NLRC5: variants seen among roughly 807,000 people sequenced by gnomAD.
The protein encoded by NLRC5 is NLR family CARD domain containing 5.
NLRC5 carries 114 observed loss-of-function variants against 206.9 expected under a neutral mutation model. The observed-to-expected ratio is 0.55, with a 90% confidence interval of 0.47 to 0.64. NLRC5 has a LOEUF of 0.64. NLRC5 is among the 30% of genes least tolerant of loss of function. The pLI is 0.00. For missense variants in NLRC5, 2,008 were observed against 2,305.5 expected (o/e 0.87, Z 2.64); for synonymous variants, 952 against 962.8 (o/e 0.99, Z 0.21).
At chr16:57,025,254 A>G in intron 5 of NLRC5, 114 bp from the exon 6 acceptor site, 1 of 1,463,870 alleles carries the variant, frequency 6.8e-7, no homozygotes, top group Non-Finnish European at 9.0e-7. Context: ...CCCTCACCCC[A>G]TCATACATAC....
At chr16:57,000,801 G>C (rs376189011) in intron 1 of NLRC5, among the ~76,000 whole-genome samples, 1 of 152,268 alleles carries the variant, frequency 6.6e-6, no homozygotes, top group African/African-American at 2.4e-5. Flanking sequence ...ATTTGTGGGC[G>C]GGGGAGGAAA....
rs1174974373 is a variant in NLRC5, at chr16:57,020,999, A to G, written c.287A>G (p.Tyr96Cys). 6 of 1,613,378 alleles carry G rather than the reference A, an allele frequency of 3.7e-6. No homozygotes were observed. The highest frequency in any genetic ancestry group is 5.1e-6 in the Non-Finnish European group (6 of 1,179,396). ...LEVLLLSTFG[Y>C]DDGFTSQLGA... The stretch of plus-strand genomic sequence containing the variant: ...GTGCTGCTGCTGAGTACTTTTGGCT[A>G]TGATGATGGTAAGGGCAGGTGTGAG... Residue 96 changes from tyrosine to cysteine, a missense_variant, in exon 3 of 49, where the codon TAT becomes TGT. Coordinates refer to ENST00000688547, the MANE Select transcript of NLRC5 (RefSeq NM_001384950.1).
At chr16:57,011,900 G>T (rs1236717578) in intron 1 of NLRC5, among the ~76,000 whole-genome samples, 1 of 152,104 alleles carries the variant, frequency 6.6e-6, no homozygotes, top group South Asian at 2.1e-4. Flanking sequence ...CTTCATTGAG[G>T]TGTAATTTAC....
At chr16:57,006,213 C>G (rs1388784528) in intron 1 of NLRC5, among the ~76,000 whole-genome samples, 1 of 151,664 alleles carries the variant, frequency 6.6e-6, no homozygotes, top group Non-Finnish European at 1.5e-5. Flanking sequence ...TACCCAGGCT[C>G]GTCTCAAACT....
intron 30 of NLRC5, among the ~76,000 whole-genome samples, chr16:57,060,437 GCAGCACACACAACACACGCACACCACA>G (rs1212128245): frequency 1.3e-5 from 2 of 149,900 alleles, no homozygotes; most frequent in Admixed American, 6.7e-5. Context: ...CACACAGCAC[GCAGCACACACAACACACGCACACCACA>G]CAGCACACAC....
chr16:57,025,390 G>C lies in NLRC5; in HGVS notation c.447G>C (p.Gln149His). ...CAGAGTTGGCCAAGAAGTACCTGCA[G>C]CTCCTGCGGACCTCTGCCCAGCAGC... ...QQLELAKKYL[Q>H]LLRTSAQQRY... The change falls in exon 6 of 49, where the codon CAG becomes CAC. Residue 149 changes from glutamine (Q) to histidine (H), a missense_variant. Coordinates refer to ENST00000688547, the MANE Select transcript of NLRC5 (RefSeq NM_001384950.1). 2 of 1,543,230 alleles carry C rather than the reference G, an allele frequency of 1.3e-6. No individual in the cohort carries two copies. Among genetic ancestry groups the C allele is most frequent in the Middle Eastern group, 1.8e-4 (1 of 5,688 alleles).
intron 24 of NLRC5, among the ~76,000 whole-genome samples, chr16:57,052,110 G>C (rs1257408846): frequency 6.6e-6 from 1 of 152,196 alleles, no homozygotes; most frequent in Non-Finnish European, 1.5e-5. Flanking sequence ...CGCAAAAAGG[G>C]AATTTAAGCA....
At chr16:57,079,401 G>A (rs2068844708) in intron 45 of NLRC5, 109 bp downstream of exon 45, 2 of 1,388,994 alleles carry the variant, frequency 1.4e-6, no homozygotes, top group Non-Finnish European at 2.0e-6. Context: ...GAAGCCCCAG[G>A]GATGGTGGGG....
At chr16:57,058,695 G>C (rs553531254) in intron 28 of NLRC5, among the ~76,000 whole-genome samples, 1 of 152,346 alleles carries the variant, frequency 6.6e-6, no homozygotes, top group Admixed American at 6.5e-5. Flanking sequence ...TGCGGGGCTA[G>C]AGCTGCCAGC....
chr16:57,043,205 G>A (rs1167380875), intron 19 of NLRC5, among the ~76,000 whole-genome samples: 2 of 152,168 alleles, frequency 1.3e-5, no homozygotes, highest in Admixed American at 1.3e-4. Flanking sequence ...ATCAGGTGGA[G>A]AAAAGGAGGC....
intron 12 of NLRC5, 135 bp from the exon 13 acceptor site, chr16:57,034,033 C>T (rs1261938540): frequency 1.5e-6 from 1 of 663,824 alleles, no homozygotes; most frequent in African/African-American, 1.8e-5. Flanking sequence ...TCAAGATCAC[C>T]CAGCTACTAA....
At chr16:57,043,463 G>A (rs1189304558) in intron 19 of NLRC5, 52 bp from the exon 20 acceptor site, 7 of 1,355,910 alleles carry the variant, frequency 5.2e-6, no homozygotes, top group Middle Eastern at 1.8e-4. Context: ...CCACAAAGAG[G>A]ATGTGTTTGG....
chr16:57,059,682 C>G (rs370186247), intron 30 of NLRC5, 150 bp downstream of exon 30: 9 of 700,132 alleles, frequency 1.3e-5, no homozygotes, highest in African/African-American at 7.4e-5. Flanking sequence ...TCCAGATCTG[C>G]CCCCGATGCC....
At chr16:57,038,893 C>T (rs2062932740) in intron 15 of NLRC5, among the ~76,000 whole-genome samples, 1 of 150,270 alleles carries the variant, frequency 6.7e-6, no homozygotes, top group Non-Finnish European at 1.5e-5. Flanking sequence ...CGAGATCATG[C>T]CACTGCACTC....
At position 57,025,738 on chromosome 16, in the gene NLRC5, C is replaced by A; in HGVS notation, c.795C>A (p.Asn265Lys). Reference protein sequence around the residue: ...ALFLFEFRQLNLITRFLTPSE... With the variant: ...ALFLFEFRQLKLITRFLTPSE... Reference sequence around the variant, plus strand: ...TCCTTTTTGAATTCCGCCAGCTCAACTTGATCACGAGGTTCCTGACACCGT... The same window carrying A: ...TCCTTTTTGAATTCCGCCAGCTCAAATTGATCACGAGGTTCCTGACACCGT... The change falls in exon 6 of 49, where the codon AAC (asparagine) becomes AAA (lysine). Residue 265 changes from asparagine (N) to lysine (K), a missense_variant. By Grantham distance (94) the Asn-to-Lys change is moderately conservative. Coordinates refer to ENST00000688547, the MANE Select transcript of NLRC5 (RefSeq NM_001384950.1). The A allele has an allele frequency of 1.2e-6, 2 of 1,614,224 alleles. No individual in the cohort carries two copies. Among genetic ancestry groups the A allele is most frequent in the Non-Finnish European group, 1.7e-6 (2 of 1,180,028 alleles).
chr16:57,070,559 G>A lies in NLRC5; in HGVS notation c.4608G>A (p.Glu1536=). The A allele has an allele frequency of 6.2e-7, 1 of 1,614,128 alleles. No homozygotes were observed. The highest frequency in any genetic ancestry group is 8.5e-7 in the Non-Finnish European group (1 of 1,180,026). ...ELDLSNNQFD[E]EGTKALMRAL... is the part of the protein sequence containing the mutation. ...GCTTGTCTAACAATCAATTTGATGA[G>A]GAGGGCACCAAGGCGCTGATGAGGG... Residue 1536 remains glutamate (E), a synonymous_variant, in exon 38 of 49, where the codon GAG becomes GAA. Coordinates refer to ENST00000688547, the MANE Select transcript of NLRC5 (RefSeq NM_001384950.1).
rs199870578 is a variant in NLRC5, at chr16:57,026,409, C to T, written c.1466C>T (p.Ala489Val). 2.3e-4 allele frequency: 371 copies of T among 1,614,002 alleles called. 1 individual carries two copies. Among genetic ancestry groups the T allele is most frequent in the Non-Finnish European group, 2.0e-4 (240 of 1,180,032 alleles). The change falls in exon 6 of 49, where the codon GCC (alanine) becomes GTC (valine). Residue 489 changes from alanine (A) to valine (V), a missense_variant. Coordinates refer to ENST00000688547, the MANE Select transcript of NLRC5 (RefSeq NM_001384950.1). ...DIAPPLIAFG[A>V]THSLLTSFCV... Reference sequence around the variant, plus strand: ...GCTCCACCCTTGATAGCTTTTGGGGCCACTCACAGCCTGCTGACTTCCTTC... The same window carrying T: ...GCTCCACCCTTGATAGCTTTTGGGGTCACTCACAGCCTGCTGACTTCCTTC...
chr16:57,043,890 T>C, intron 20 of NLRC5: 3 of 399,942 alleles, frequency 7.5e-6, no homozygotes, highest in Non-Finnish European at 1.3e-5. Flanking sequence ...GAGATTTTTT[T>C]TTTTAGGATT....
intron 32 of NLRC5, among the ~76,000 whole-genome samples, chr16:57,064,456 A>G (rs1342586849): frequency 6.6e-6 from 1 of 152,256 alleles, no homozygotes; most frequent in Admixed American, 6.5e-5. Context: ...ACCACCATGA[A>G]CATTTAATAT....
Sources: gnomAD v4.1 joint callset for allele counts (sites outside exome capture counted in the v4.1 genomes callset) on GRCh38, gnomAD v4.1.1 for gene constraint, MANE v1.5 for transcripts, NCBI Gene and HGNC (gene_info 2026-07-23, HGNC 2026-07-21) for gene names.